Variants in SPACA1 observed in about 807,000 individuals in gnomAD.
SPACA1 encodes the protein sperm acrosome associated 1.
Under a neutral mutation model 32.6 loss-of-function variants are expected in SPACA1, and 17 were observed. That is an observed-to-expected ratio of 0.52 (90% CI 0.36 to 0.78). SPACA1 has a LOEUF of 0.78. SPACA1 is among the 30% of genes least tolerant of loss of function. The pLI is 0.01. For synonymous variants in SPACA1, 140 were observed against 138.1 expected (o/e 1.01, Z -0.10); for missense variants, 363 against 373.4 (o/e 0.97, Z 0.23).
chr6:88,061,783 A>G (rs576767374), intron 5 of SPACA1, among the ~76,000 whole-genome samples: 2 of 152,312 alleles, frequency 1.3e-5, no homozygotes, highest in Admixed American at 6.5e-5. Context: ...TAATAAGTAC[A>G]TAAGCTTAGT....
In SPACA1 at chr6:88,047,892, C is replaced by T. The variant is rs746971408; in HGVS notation, c.-14C>T. Reference sequence around the variant, plus strand: ...CGGCGACTGCGCCTCGGACGGCCGTCGGGGCCGAGAACCATGAGCCCCAGG... The same window carrying T: ...CGGCGACTGCGCCTCGGACGGCCGTTGGGGCCGAGAACCATGAGCCCCAGG... On this transcript the variant is annotated 5_prime_UTR_variant, in exon 1 of 7. Transcript: ENST00000237201. 420 of 1,528,858 alleles carry T rather than the reference C, an allele frequency of 2.7e-4. No homozygotes were observed. Among genetic ancestry groups the T allele is most frequent in the South Asian group, 6.0e-4 (50 of 83,056 alleles). 94.7% of individuals were successfully genotyped at this position (1,528,858 alleles called of 1,614,324 possible). A position where few individuals can be genotyped will look rare whatever the true frequency, so the allele number is the denominator to read the frequency against.
chr6:88,047,721 G>C (rs1775659912), upstream of SPACA1: 3 of 630,990 alleles, frequency 4.8e-6, no homozygotes, highest in East Asian at 2.8e-5. Flanking sequence ...TCGCAGCCTA[G>C]CTCCGCGCGA....
chr6:88,061,476 T>TGG, intron 5 of SPACA1, among the ~76,000 whole-genome samples: 1 of 150,896 alleles, frequency 6.6e-6, no homozygotes, highest in Non-Finnish European at 1.5e-5. Flanking sequence ...AGATGGAAAG[T>TGG]GGGGCGCGGA....
chr6:88,059,400 G>GTA (rs1775857304), intron 4 of SPACA1, 53 bp from the exon 5 acceptor site: 7 of 1,451,756 alleles, frequency 4.8e-6, no homozygotes, highest in Non-Finnish European at 6.5e-6. Flanking sequence ...TTGTTTCCTG[G>GTA]TAAGTGTACA....
rs770914140 is a variant in SPACA1 at position 88,057,615 on chromosome 6, T to C, written c.269T>C (p.Ile90Thr). The change falls in exon 3 of 7, where the codon ATT (isoleucine) becomes ACT (threonine). Residue 90 changes from isoleucine to threonine, a missense_variant. Coordinates refer to ENST00000237201, the MANE Select transcript of SPACA1 (RefSeq NM_030960.3). The stretch of plus-strand genomic sequence containing the variant: ...CTTTTTAAATTTTAAACCAAAGGTA[T>C]TGGTGTTAGAGAAGTTATATTAACA... Reference protein sequence around the residue: ...EFGMCTVTCGIGVREVILTNG... With the variant: ...EFGMCTVTCGTGVREVILTNG... The C allele has an allele frequency of 1.2e-6, 2 of 1,611,170 alleles. No homozygotes were observed. The highest frequency in any genetic ancestry group is 3.3e-5 in the Admixed American group (2 of 60,020).
At chr6:88,060,601 C>T (rs1775877831) in intron 5 of SPACA1, among the ~76,000 whole-genome samples, 2 of 152,118 alleles carry the variant, frequency 1.3e-5, no homozygotes, top group African/African-American at 4.8e-5. Context: ...AGTTTAGAAA[C>T]ATCTTCATGG....
chr6:88,063,994 T>C, intron 5 of SPACA1, 105 bp from the exon 6 acceptor site: 4 of 1,305,164 alleles, frequency 3.1e-6, no homozygotes, highest in Non-Finnish European at 4.1e-6. Context: ...CACTAAGCAT[T>C]TCTTTATGTT....
chr6:88,061,114 G>A (rs754028584), intron 5 of SPACA1, among the ~76,000 whole-genome samples: 1 of 152,188 alleles, frequency 6.6e-6, no homozygotes, highest in Non-Finnish European at 1.5e-5. Context: ...GTTTTGGCTA[G>A]AAATGTCTAC....
At chr6:88,062,932 A>G (rs576563093) in intron 5 of SPACA1, among the ~76,000 whole-genome samples, 1 of 152,322 alleles carries the variant, frequency 6.6e-6, no homozygotes, top group Non-Finnish European at 1.5e-5. Context: ...GAAATATAGG[A>G]GACTATTTGC....
chr6:88,052,414 G>A (rs1413817004), intron 1 of SPACA1, among the ~76,000 whole-genome samples: 1 of 152,112 alleles, frequency 6.6e-6, no homozygotes, highest in Admixed American at 6.5e-5. Context: ...GTCTGTAGAA[G>A]GTATCTAAGC....
At chr6:88,061,386 T>C (rs1170042130) in intron 5 of SPACA1, among the ~76,000 whole-genome samples, 1 of 152,024 alleles carries the variant, frequency 6.6e-6, no homozygotes, top group Non-Finnish European at 1.5e-5. Context: ...TAATCCAATA[T>C]AACTGGTGCC....
Position 88,058,809 on chromosome 6 carries a change from T to G in SPACA1, c.461T>G (p.Leu154Arg). 1 of 1,610,128 alleles carries G rather than the reference T, an allele frequency of 6.2e-7. No individual in the cohort carries two copies. Among genetic ancestry groups the G allele is most frequent in the East Asian group, 2.2e-5 (1 of 44,818 alleles). Residue 154 changes from leucine to arginine, a missense_variant, in exon 4 of 7, where the codon CTA becomes CGA. Coordinates refer to ENST00000237201, the MANE Select transcript of SPACA1 (RefSeq NM_030960.3). The part of the protein sequence containing the change: ...LNRFKYMWKL[L>R]RQDQQSIILV... ...CGTTTCAAATATATGTGGAAACTTC[T>G]AAGACAAGACCAAGTGAGTAATGAA...
intron 5 of SPACA1, among the ~76,000 whole-genome samples, chr6:88,062,256 A>G (rs1451981300): frequency 6.6e-6 from 1 of 152,200 alleles, no homozygotes; most frequent in Non-Finnish European, 1.5e-5. Flanking sequence ...TAGGGAAACA[A>G]ATCCAGAAAA....
At chr6:88,047,758 C>T (rs1775660598), upstream of SPACA1, 13 of 790,850 alleles carry the variant, frequency 1.6e-5, no homozygotes, top group Non-Finnish European at 2.5e-5. Context: ...ACCGGAGCAG[C>T]GCCCCGGCAA....
In SPACA1 at chr6:88,058,754, T is replaced by A. The variant is rs767108789; in HGVS notation, c.406T>A (p.Leu136Met). The A allele has an allele frequency of 3.1e-6, 5 of 1,613,942 alleles. No homozygotes were observed. The highest frequency in any genetic ancestry group is 3.3e-5 in the Admixed American group (2 of 60,002). ...PISESLESVR[L>M]ACIHTSPLNR... is the part of the protein sequence containing the mutation. ...TTCAGAAAGTCTTGAAAGTGTTAGA[T>A]TGGCATGTATTCACACATCTCCCTT... Residue 136 changes from leucine to methionine, a missense_variant, in exon 4 of 7, where the codon TTG becomes ATG. By Grantham distance (15) the Leu-to-Met change is conservative. Coordinates refer to ENST00000237201, the MANE Select transcript of SPACA1 (RefSeq NM_030960.3).
chr6:88,063,985 A>G lies in SPACA1; in HGVS notation c.611-114A>G, dbSNP rs1445091249. ...CAAGATCATTAATAATTTTCTCTGCACTAAGCATTTCTTTATGTTTCTAGA... is the reference window on the plus strand; with the variant it reads ...CAAGATCATTAATAATTTTCTCTGCGCTAAGCATTTCTTTATGTTTCTAGA... On this transcript the variant is annotated intron_variant, in intron 5 of 6. Transcript: ENST00000237201. 17 of 1,192,700 alleles carry G rather than the reference A, an allele frequency of 1.4e-5. No homozygotes were observed. In the East Asian group the frequency reaches 4.1e-4, roughly 29 times the overall value. The allele number at this position is 1,192,700 out of a possible 1,614,324, so 73.9% of individuals were successfully genotyped here.
intron 2 of SPACA1, among the ~76,000 whole-genome samples, chr6:88,057,181 CAT>C (rs1243422516): frequency 3.9e-5 from 6 of 152,106 alleles, no homozygotes; most frequent in African/African-American, 7.2e-5. Context: ...TAATTTATGA[CAT>C]GTTATCAATT....
Position 88,059,604 on chromosome 6 carries a change from T to A in SPACA1, c.610+16T>A. 6.3e-7 allele frequency: 1 copy of A among 1,593,432 alleles called. No homozygotes were observed. Among genetic ancestry groups the A allele is most frequent in the Non-Finnish European group, 8.5e-7 (1 of 1,170,938 alleles). ...ACGAGCAGTGGTAAGTGTCCAGCAA[T>A]GTCTTGGTTTGCTTATATGCCAATC... On this transcript the variant is annotated intron_variant, in intron 5 of 6. Coordinates refer to ENST00000237201, the MANE Select transcript of SPACA1 (RefSeq NM_030960.3).
chr6:88,058,946 T>C, intron 4 of SPACA1, 124 bp downstream of exon 4: 1 of 586,340 alleles, frequency 1.7e-6, no homozygotes, highest in Non-Finnish European at 2.9e-6. Flanking sequence ...TTAAGAATTA[T>C]ACAACTTTAT....
Sources: allele counts gnomAD v4.1 joint callset (sites outside exome capture counted in the v4.1 genomes callset), GRCh38; gene constraint gnomAD v4.1.1; transcripts MANE v1.5; gene names NCBI Gene and HGNC (gene_info 2026-07-23, HGNC 2026-07-21).